Variants in BMPR1B observed in about 807,000 individuals in gnomAD.
The protein encoded by BMPR1B is bone morphogenetic protein receptor type 1B, also known as bone morphogenetic protein receptor type-1B.
BMPR1B carries 12 observed loss-of-function variants against 59.1 expected under a neutral mutation model. That is an observed-to-expected ratio of 0.20 (90% CI 0.13 to 0.33). The LOEUF is 0.33. Ranked by LOEUF, BMPR1B falls within the 10% of genes least tolerant of loss-of-function variation. The pLI, the probability that BMPR1B is intolerant of heterozygous loss-of-function variation, is 1.00. For synonymous variants in BMPR1B, 237 were observed against 207.3 expected, an observed-to-expected ratio of 1.14 and a Z score of -1.23; for missense variants, 550 against 610.9, an observed-to-expected ratio of 0.90 and a Z score of 1.05.
chr4:94,876,627 T>C (rs1181633757), intron 2 of BMPR1B, among the ~76,000 whole-genome samples: 1 of 152,218 alleles, frequency 6.6e-6, no homozygotes, highest in East Asian at 1.9e-4. Flanking sequence ...ATTATGTAGA[T>C]AGTTAAGTGG....
chr4:94,886,747 T>C (rs886991763), intron 2 of BMPR1B, among the ~76,000 whole-genome samples: 2 of 152,202 alleles, frequency 1.3e-5, no homozygotes, highest in Admixed American at 6.5e-5. Context: ...TCTGCAGTCC[T>C]TCATACTCCT....
At chr4:95,015,968 G>A (rs1024480491) in intron 3 of BMPR1B, among the ~76,000 whole-genome samples, 17 of 152,180 alleles carry the variant, frequency 1.1e-4, no homozygotes, top group Admixed American at 2.6e-4. Flanking sequence ...TGGGATTACA[G>A]GCGTGAGCCA....
chr4:94,950,807 T>G lies in BMPR1B; in HGVS notation c.-112-45233T>G, dbSNP rs189780045. 1.7e-4 allele frequency among the ~76,000 whole-genome samples: 26 copies of G among 152,264 alleles called. No homozygotes were observed. The East Asian group carries it at 5.0e-3, about 29-fold the overall frequency. ...TGGTTCCATATGAAATTTAAAGTAGTTTTCTCTAATTCTCTGAAGAAAGTC... is the reference window on the plus strand; with the variant it reads ...TGGTTCCATATGAAATTTAAAGTAGGTTTCTCTAATTCTCTGAAGAAAGTC... On this transcript the variant is annotated intron_variant, in intron 2 of 12. Transcript: ENST00000515059.
chr4:94,828,096 A>T (rs1724447836), intron 1 of BMPR1B, among the ~76,000 whole-genome samples: 1 of 152,238 alleles, frequency 6.6e-6, no homozygotes, highest in South Asian at 2.1e-4. Context: ...TACACATTTT[A>T]TTCGTAAATG....
chr4:95,034,997 A>T (rs1725135467), intron 3 of BMPR1B, among the ~76,000 whole-genome samples: 1 of 151,996 alleles, frequency 6.6e-6, no homozygotes, highest in Admixed American at 6.6e-5. Flanking sequence ...GTTGTATCTC[A>T]TTGTGGTTTT....
At chr4:95,067,483 C>T (rs571129762) in intron 3 of BMPR1B, among the ~76,000 whole-genome samples, 1 of 152,254 alleles carries the variant, frequency 6.6e-6, no homozygotes, top group South Asian at 2.1e-4. Flanking sequence ...TATGTTGAAT[C>T]TAAAATTAAT....
chr4:95,034,671 C>A (rs568407937), intron 3 of BMPR1B, among the ~76,000 whole-genome samples: 2 of 150,890 alleles, frequency 1.3e-5, no homozygotes, highest in African/African-American at 4.9e-5. Flanking sequence ...TCCATGTTTT[C>A]TTTGGTTGAT....
chr4:95,002,397 C>G (rs1388887193), intron 3 of BMPR1B, among the ~76,000 whole-genome samples: 1 of 152,036 alleles, frequency 6.6e-6, no homozygotes, highest in Admixed American at 6.6e-5. Context: ...TCACCTAGGT[C>G]GACCCCATGT....
intron 1 of BMPR1B, among the ~76,000 whole-genome samples, chr4:94,833,199 A>AAG (rs1724671594): frequency 6.6e-6 from 1 of 152,032 alleles, no homozygotes; most frequent in Admixed American, 6.6e-5. Context: ...TCTCAAAAAA[A>AAG]AAAAAAAAAA....
At chr4:95,098,094 T>C (rs1730559915) in intron 3 of BMPR1B, among the ~76,000 whole-genome samples, 2 of 152,166 alleles carry the variant, frequency 1.3e-5, no homozygotes, top group South Asian at 4.1e-4. Context: ...TAATAAAATG[T>C]GAGAAAGTAC....
At chr4:95,062,747 A>G (rs540747918) in intron 3 of BMPR1B, among the ~76,000 whole-genome samples, 1 of 152,130 alleles carries the variant, frequency 6.6e-6, no homozygotes, top group Non-Finnish European at 1.5e-5. Context: ...CTAGATTTAC[A>G]CATTTGATTT....
At chr4:94,782,967 G>A (rs942519511) in intron 1 of BMPR1B, among the ~76,000 whole-genome samples, 2 of 152,106 alleles carry the variant, frequency 1.3e-5, no homozygotes, top group African/African-American at 4.8e-5. Flanking sequence ...TTATTTGCTT[G>A]TTTGTTTAGT....
rs531627495 is a variant in BMPR1B, at chr4:95,093,023, G to A, written c.-17-11385G>A. 3.6e-4 allele frequency among the ~76,000 whole-genome samples: 55 copies of A among 152,068 alleles called. No homozygotes were observed. The South Asian group carries it at 8.7e-3, about 24-fold the overall frequency. ...CTGACATTATTGTCAAAGAGACCACGGTTCAGTTTCTTTTCTAACAATGTG... is the reference window on the plus strand; with the variant it reads ...CTGACATTATTGTCAAAGAGACCACAGTTCAGTTTCTTTTCTAACAATGTG... On this transcript the variant is annotated intron_variant, in intron 3 of 12. Coordinates refer to ENST00000515059, the MANE Select transcript of BMPR1B (RefSeq NM_001203.3).
At chr4:94,821,468 AT>A (rs913941129) in intron 1 of BMPR1B, among the ~76,000 whole-genome samples, 1 of 152,084 alleles carries the variant, frequency 6.6e-6, no homozygotes, top group Admixed American at 6.6e-5. Context: ...TAAAATTTTA[AT>A]TTTTTTACTT....
At chr4:94,776,977 TTGAA>T (rs1722393490) in intron 1 of BMPR1B, among the ~76,000 whole-genome samples, 1 of 152,216 alleles carries the variant, frequency 6.6e-6, no homozygotes, top group Non-Finnish European at 1.5e-5. Flanking sequence ...TTATTTTTGC[TTGAA>T]TGATTTATGA....
At chr4:94,946,258 C>T (rs569928377) in intron 2 of BMPR1B, among the ~76,000 whole-genome samples, 12 of 152,122 alleles carry the variant, frequency 7.9e-5, no homozygotes, top group African/African-American at 2.6e-4. Flanking sequence ...TTAGTTGATT[C>T]TTGTTTGGTA....
In BMPR1B at chr4:94,846,593, C is replaced by T. The variant is rs529189624; in HGVS notation, c.-182-29238C>T. ...CTTGAACATCGGACTCCAAGTTCTT[C>T]AGTTTTGGGACTCAGACTGGCTCTC... On this transcript the variant is annotated intron_variant, in intron 1 of 12. Coordinates refer to ENST00000515059, the MANE Select transcript of BMPR1B (RefSeq NM_001203.3). 2.6e-5 allele frequency among the ~76,000 whole-genome samples: 4 copies of T among 152,298 alleles called. No individual in the cohort carries two copies. In the South Asian group the frequency reaches 8.3e-4, roughly 32 times the overall value.
At chr4:94,892,712 A>G (rs1727447589) in intron 2 of BMPR1B, among the ~76,000 whole-genome samples, 1 of 152,096 alleles carries the variant, frequency 6.6e-6, no homozygotes, top group Admixed American at 6.6e-5. Flanking sequence ...ATGGAGAAAT[A>G]TCCCAGATCA....
chr4:94,978,348 G>A (rs918383339), intron 2 of BMPR1B, among the ~76,000 whole-genome samples: 5 of 152,224 alleles, frequency 3.3e-5, no homozygotes, highest in African/African-American at 1.2e-4. Flanking sequence ...TGCATTTGCA[G>A]TCAGATGGTG....
Sources: gnomAD v4.1 joint callset for allele counts (sites outside exome capture counted in the v4.1 genomes callset) on GRCh38, gnomAD v4.1.1 for gene constraint, MANE v1.5 for transcripts, NCBI Gene and HGNC (gene_info 2026-07-23, HGNC 2026-07-21) for gene names.